The following TMEM248 variants were observed in gnomAD, a reference collection of about 807,000 sequenced individuals.
TMEM248 encodes transmembrane protein 248.
In TMEM248, 9 loss-of-function variants were observed where a neutral mutation model predicts 30.3. That is an observed-to-expected ratio of 0.30 (90% CI 0.18 to 0.52). TMEM248 has a LOEUF of 0.52. Ranked by LOEUF, TMEM248 falls within the 20% of genes least tolerant of loss-of-function variation. The pLI, the probability that TMEM248 is intolerant of heterozygous loss-of-function variation, is 0.97. For synonymous variants in TMEM248, 184 were observed against 154.4 expected, an observed-to-expected ratio of 1.19 and a Z score of -1.42; for missense variants, 338 against 403.3, an observed-to-expected ratio of 0.84 and a Z score of 1.39.
intron 1 of TMEM248, among the ~76,000 whole-genome samples, chr7:66,932,417 G>A (rs1469154341): frequency 2.0e-5 from 3 of 152,114 alleles, no homozygotes; most frequent in Admixed American, 1.3e-4. Flanking sequence ...TTTTGCTTAC[G>A]TAAAGCGCCT....
chr7:66,948,822 C>T (rs1057288801), intron 4 of TMEM248, 128 bp downstream of exon 4: 15 of 993,806 alleles, frequency 1.5e-5, no homozygotes, highest in African/African-American at 3.3e-5. Context: ...TATCTCTACT[C>T]GGACCTATCT....
chr7:66,925,451 G>T (rs2129220066), intron 1 of TMEM248, among the ~76,000 whole-genome samples: 1 of 152,118 alleles, frequency 6.6e-6, no homozygotes, highest in South Asian at 2.1e-4. Flanking sequence ...TGTAACCATA[G>T]TTCTGCTCTC....
intron 6 of TMEM248, among the ~76,000 whole-genome samples, chr7:66,953,878 T>C (rs1792333109): frequency 6.6e-6 from 1 of 151,720 alleles, no homozygotes; most frequent in South Asian, 2.1e-4. Context: ...AGTGCTGGAA[T>C]TACAGGTGTG....
intron 3 of TMEM248, among the ~76,000 whole-genome samples, chr7:66,947,214 CAAAA>C (rs565294304): frequency 8.5e-5 from 5 of 58,816 alleles, no homozygotes; most frequent in Admixed American, 2.0e-4. Flanking sequence ...GACCCTGTCT[CAAAA>C]AAAAAAAAAA....
chr7:66,937,856 A>G (rs1460465762), intron 1 of TMEM248, among the ~76,000 whole-genome samples: 2 of 152,180 alleles, frequency 1.3e-5, no homozygotes, highest in Non-Finnish European at 2.9e-5. Context: ...GATTATAGGC[A>G]TGCACCACCA....
rs1156882038 is a variant in TMEM248 at position 66,931,792 on chromosome 7, C to CTTTTTTTT, written c.-18-10033_-18-10026dup. ...TGTGCCCAACCAGGAGGCCTTCCTC[C>CTTTTTTTT]TTTTTTTTTTTTTTTTTTTTTTTTT... On this transcript the variant is annotated intron_variant, in intron 1 of 6. Coordinates refer to ENST00000341567, the MANE Select transcript of TMEM248 (RefSeq NM_017994.5). 7.9e-5 allele frequency among the ~76,000 whole-genome samples: 7 copies of CTTTTTTTT among 88,458 alleles called. 2 individuals are homozygous for CTTTTTTTT. The highest frequency in any genetic ancestry group is 3.8e-4 in the East Asian group (1 of 2,642). 58.0% of individuals were successfully genotyped at this position (88,458 alleles called of 152,430 possible). A position where few individuals can be genotyped will look rare whatever the true frequency, so the allele number is the denominator to read the frequency against.
At chr7:66,947,876 A>G (rs1303208089) in intron 3 of TMEM248, among the ~76,000 whole-genome samples, 1 of 151,968 alleles carries the variant, frequency 6.6e-6, no homozygotes, top group African/African-American at 2.4e-5. Flanking sequence ...GATCCTCCCT[A>G]GTACCTGGGA....
intron 1 of TMEM248, among the ~76,000 whole-genome samples, chr7:66,933,803 G>A (rs545160549): frequency 1.3e-5 from 2 of 152,236 alleles, no homozygotes; most frequent in East Asian, 3.9e-4. Flanking sequence ...TTGCCTTTTG[G>A]CCATGTTCAG....
chr7:66,953,107 TAAG>T, intron 5 of TMEM248, 116 bp from the exon 6 acceptor site: 2 of 1,158,132 alleles, frequency 1.7e-6, no homozygotes, highest in African/African-American at 1.5e-5. Context: ...TCTTGCAGCT[TAAG>T]AAGAAAAGTT....
chr7:66,946,726 G>C (rs1043148421), intron 3 of TMEM248, among the ~76,000 whole-genome samples: 4 of 152,144 alleles, frequency 2.6e-5, no homozygotes, highest in Admixed American at 1.3e-4. Flanking sequence ...CTTGATAAGG[G>C]ATATGAAAAA....
At chr7:66,949,128 C>A (rs1389599575) in intron 4 of TMEM248, among the ~76,000 whole-genome samples, 14 of 149,530 alleles carry the variant, frequency 9.4e-5, no homozygotes, top group African/African-American at 3.4e-4. Context: ...TATAGGGAGA[C>A]CCTGTCTCTA....
Position 66,926,454 on chromosome 7 carries a change from T to C in TMEM248, c.-19+4993T>C, listed in dbSNP as rs543822105. ...GGCCAACATGGTGAAACCCTGTCTC[T>C]ACTAAAAGTACAAGAATTAGCTGGG... On this transcript the variant is annotated intron_variant, in intron 1 of 6. Transcript: ENST00000341567. Among the ~76,000 whole-genome samples, 278 of 152,208 alleles carry C rather than the reference T, an allele frequency of 1.8e-3. 1 individual carries two copies. The highest frequency in any genetic ancestry group is 3.4e-3 in the Non-Finnish European group (230 of 68,012).
intron 2 of TMEM248, among the ~76,000 whole-genome samples, chr7:66,944,589 A>T (rs1182444863): frequency 6.6e-6 from 1 of 152,360 alleles, no homozygotes; most frequent in Non-Finnish European, 1.5e-5. Context: ...AAAGAATTGT[A>T]GTTGCAAAAT....
rs942984455 is a variant in TMEM248 at position 66,958,534 on chromosome 7, A to G, written c.*3012A>G. 1.3e-5 allele frequency: 2 copies of G among 152,676 alleles called. No homozygotes were observed. Among genetic ancestry groups the G allele is most frequent in the African/African-American group, 2.4e-5 (1 of 41,470 alleles). 9.5% of individuals were successfully genotyped at this position (152,676 alleles called of 1,614,324 possible). On this transcript the variant is annotated 3_prime_UTR_variant, in exon 7 of 7. Transcript: ENST00000341567. ...AGTATGTGCATATGTGCTTTACAGA[A>G]TAAAACATCTGAATTTATTTGCTCC... is the stretch of plus-strand genomic sequence containing the variant.
chr7:66,938,359 A>G (rs1223958597), intron 1 of TMEM248, among the ~76,000 whole-genome samples: 1 of 152,126 alleles, frequency 6.6e-6, no homozygotes, highest in Admixed American at 6.6e-5. Context: ...TAGGACAGTG[A>G]AAACATTTGA....
In TMEM248 at chr7:66,956,844, T is replaced by A. The variant is rs1388517438; in HGVS notation, c.*1322T>A. Reference sequence around the variant, plus strand: ...GTGTGCCAGCGCGCCTGGCTAATTTTAAAATTTTTTTGTAGAGACAGAGTC... The same window carrying A: ...GTGTGCCAGCGCGCCTGGCTAATTTAAAAATTTTTTTGTAGAGACAGAGTC... On this transcript the variant is annotated 3_prime_UTR_variant, in exon 7 of 7. Coordinates refer to ENST00000341567, the MANE Select transcript of TMEM248 (RefSeq NM_017994.5). 1 of 152,084 alleles carries A rather than the reference T, an allele frequency of 6.6e-6. No individual in the cohort carries two copies. The highest frequency in any genetic ancestry group is 1.5e-5 in the Non-Finnish European group (1 of 68,026). 9.4% of individuals were successfully genotyped at this position (152,084 alleles called of 1,614,324 possible).
intron 1 of TMEM248, among the ~76,000 whole-genome samples, chr7:66,938,655 A>G (rs1440587718): frequency 6.6e-6 from 1 of 152,132 alleles, no homozygotes; most frequent in Non-Finnish European, 1.5e-5. Context: ...CTACAGGCAC[A>G]TGCCACCATG....
chr7:66,949,817 T>C, intron 4 of TMEM248, among the ~76,000 whole-genome samples: 1 of 152,182 alleles, frequency 6.6e-6, no homozygotes, highest in South Asian at 2.1e-4. Flanking sequence ...TTTTTGTTGT[T>C]GGTTTTTTTT....
At chr7:66,952,296 A>G (rs1792286905) in intron 5 of TMEM248, among the ~76,000 whole-genome samples, 3 of 151,768 alleles carry the variant, frequency 2.0e-5, no homozygotes, top group Admixed American at 6.6e-5. Context: ...TTGGTGTTGA[A>G]CTGCTGACTT....
Sources: gnomAD v4.1 joint callset for allele counts (sites outside exome capture counted in the v4.1 genomes callset) on GRCh38, gnomAD v4.1.1 for gene constraint, MANE v1.5 for transcripts, NCBI Gene and HGNC (gene_info 2026-07-23, HGNC 2026-07-21) for gene names.